Variants in VWA8 observed in about 807,000 individuals in gnomAD.
The protein encoded by VWA8 is von Willebrand factor A domain containing 8, also known as von Willebrand factor A domain-containing protein 8.
Under a neutral mutation model 241.5 loss-of-function variants are expected in VWA8, and 221 were observed. The ratio of observed to expected loss-of-function variants is 0.91; its 90% CI spans 0.82 to 1.02. The LOEUF is 1.02. VWA8 is among the 50% of genes least tolerant of loss of function. The pLI is 0.00. For missense variants in VWA8, 2,322 were observed against 2,328.7 expected, an observed-to-expected ratio of 1.00 and a Z score of 0.06; for synonymous variants, 852 against 827.1, an observed-to-expected ratio of 1.03 and a Z score of -0.52.
At chr13:41,626,274 C>G (rs1224952808) in intron 37 of VWA8, among the ~76,000 whole-genome samples, 1 of 152,010 alleles carries the variant, frequency 6.6e-6, no homozygotes, top group Non-Finnish European at 1.5e-5. Context: ...AGAGATGACA[C>G]AAACAAATGG....
At chr13:41,896,212 C>T (rs1053523725) in intron 4 of VWA8, among the ~76,000 whole-genome samples, 2 of 151,836 alleles carry the variant, frequency 1.3e-5, no homozygotes, top group African/African-American at 4.8e-5. Context: ...ATTTTTTTTG[C>T]TATTATTACA....
At chr13:41,924,674 T>C (rs1876743521) in intron 2 of VWA8, among the ~76,000 whole-genome samples, 1 of 151,958 alleles carries the variant, frequency 6.6e-6, no homozygotes, top group Non-Finnish European at 1.5e-5. Flanking sequence ...TGAAACACTA[T>C]GACTTGAGCT....
chr13:41,789,258 T>C (rs943579489), intron 17 of VWA8, among the ~76,000 whole-genome samples: 1 of 152,142 alleles, frequency 6.6e-6, no homozygotes, highest in Non-Finnish European at 1.5e-5. Flanking sequence ...ACTGATATTT[T>C]TTACTTATTT....
At chr13:41,786,882 C>T (rs1452598090) in intron 18 of VWA8, among the ~76,000 whole-genome samples, 1 of 151,810 alleles carries the variant, frequency 6.6e-6, no homozygotes, top group Non-Finnish European at 1.5e-5. Flanking sequence ...AAATGAAGAA[C>T]TAAATCTCCC....
intron 5 of VWA8, among the ~76,000 whole-genome samples, chr13:41,888,879 T>A (rs1456670744): frequency 4.6e-5 from 7 of 152,178 alleles, no homozygotes; most frequent in African/African-American, 1.7e-4. Flanking sequence ...ATACACCTAA[T>A]TAACACACTG....
intron 9 of VWA8, among the ~76,000 whole-genome samples, chr13:41,871,943 T>A (rs1873646017): frequency 6.6e-6 from 1 of 152,238 alleles, no homozygotes; most frequent in Admixed American, 6.5e-5. Flanking sequence ...GTGTTCCTAT[T>A]TCTCCACATC....
intron 1 of VWA8, among the ~76,000 whole-genome samples, chr13:41,953,227 G>A (rs886514518): frequency 1.9e-4 from 29 of 152,164 alleles, no homozygotes; most frequent in Middle Eastern, 3.2e-3. Flanking sequence ...AAGTATAGAC[G>A]TAAAGAAAGA....
chr13:41,732,983 A>T (rs890102636), intron 21 of VWA8, among the ~76,000 whole-genome samples: 9 of 152,204 alleles, frequency 5.9e-5, no homozygotes, highest in Non-Finnish European at 1.0e-4. Flanking sequence ...AATTAGAACT[A>T]CTTTAAAAAT....
intron 41 of VWA8, among the ~76,000 whole-genome samples, chr13:41,588,964 A>T (rs1370843799): frequency 3.3e-5 from 5 of 152,196 alleles, no homozygotes; most frequent in African/African-American, 1.2e-4. Context: ...GTATCCAAAC[A>T]CATTTGTTGA....
intron 10 of VWA8, among the ~76,000 whole-genome samples, chr13:41,867,188 T>C (rs989557887): frequency 1.3e-5 from 2 of 152,232 alleles, no homozygotes; most frequent in Non-Finnish European, 2.9e-5. Flanking sequence ...TTGTTTAAAC[T>C]GCCAAAAATG....
At chr13:41,722,744 T>C (rs1280840379) in intron 24 of VWA8, among the ~76,000 whole-genome samples, 2 of 152,094 alleles carry the variant, frequency 1.3e-5, no homozygotes, top group African/African-American at 4.8e-5. Flanking sequence ...TGAGCAAATG[T>C]TGATACCTGG....
At chr13:41,885,514 G>A (rs56771021) in intron 8 of VWA8, among the ~76,000 whole-genome samples, 34,452 of 152,184 alleles carry the variant, frequency 0.23, 3,974 homozygotes, top group East Asian at 0.29. Context: ...AGCAGTTAGT[G>A]TCTGGGAATT....
intron 37 of VWA8, among the ~76,000 whole-genome samples, chr13:41,622,334 G>C (rs12716680): frequency 0.076 from 11,533 of 152,212 alleles, 902 homozygotes; most frequent in African/African-American, 0.2. Flanking sequence ...TAGACAGCCA[G>C]TAGCCATTCA....
Position 41,886,011 on chromosome 13 carries a change from G to A in VWA8, c.884C>T (p.Ser295Phe). 1 of 1,596,900 alleles carries A rather than the reference G, an allele frequency of 6.3e-7. No homozygotes were observed. The highest frequency in any genetic ancestry group is 2.3e-5 in the East Asian group (1 of 44,336). The change falls in exon 8 of 45, where the codon TCC becomes TTC. Residue 295 changes from serine to phenylalanine, a missense_variant. By Grantham distance (155) the Ser-to-Phe change is radical. Coordinates refer to ENST00000379310, the MANE Select transcript of VWA8 (RefSeq NM_015058.2). The part of the protein sequence containing the change: ...VSAEKVSQLL[S>F]FATTLCSQES... ...TTGGGAACACAGAGTTGTGGCAAAG[G>A]ACAAGAGCTGAGAAACTCTAAGGGA...
chr13:41,845,631 A>G (rs1355510423), intron 12 of VWA8, among the ~76,000 whole-genome samples: 1 of 152,146 alleles, frequency 6.6e-6, no homozygotes, highest in Non-Finnish European at 1.5e-5. Context: ...AATAATATGC[A>G]GCCATAAAAT....
intron 9 of VWA8, among the ~76,000 whole-genome samples, chr13:41,877,829 G>A (rs1873971530): frequency 6.6e-6 from 1 of 151,950 alleles, no homozygotes; most frequent in Admixed American, 6.6e-5. Context: ...AGAATGAGAG[G>A]GTTTTCTTTA....
chr13:41,741,264 C>T (rs190827338), intron 21 of VWA8, among the ~76,000 whole-genome samples: 4 of 152,260 alleles, frequency 2.6e-5, no homozygotes, highest in South Asian at 2.1e-4. Flanking sequence ...CTGAGATGGA[C>T]GCATTTCAGA....
intron 28 of VWA8, among the ~76,000 whole-genome samples, chr13:41,699,637 GA>G (rs1385822024): frequency 6.6e-6 from 1 of 152,224 alleles, no homozygotes; most frequent in African/African-American, 2.4e-5. Flanking sequence ...TGTTGGTTCA[GA>G]TGGACACCAG....
intron 23 of VWA8, among the ~76,000 whole-genome samples, chr13:41,728,364 C>A (rs1040348518): frequency 6.6e-6 from 1 of 151,180 alleles, no homozygotes; most frequent in African/African-American, 2.4e-5. Context: ...AAAATATAAC[C>A]CTACAAGTGA....
Sources: gnomAD v4.1 joint callset for allele counts (sites outside exome capture counted in the v4.1 genomes callset) on GRCh38, gnomAD v4.1.1 for gene constraint, MANE v1.5 for transcripts, NCBI Gene and HGNC (gene_info 2026-07-23, HGNC 2026-07-21) for gene names.